Variants in MUSK observed in about 807,000 individuals in gnomAD.
MUSK encodes muscle associated receptor tyrosine kinase.
Under a neutral mutation model 88.7 loss-of-function variants are expected in MUSK, and 55 were observed. That is an observed-to-expected ratio of 0.62 (90% CI 0.50 to 0.78). The LOEUF (loss-of-function observed/expected upper bound fraction) is 0.78, where lower values mean the gene tolerates loss of function less well. MUSK is among the 30% of genes least tolerant of loss of function. The pLI, the probability that MUSK is intolerant of heterozygous loss-of-function variation, is 0.00. For missense variants in MUSK, 1,015 were observed against 1,074.3 expected (o/e 0.94, Z 0.77); for synonymous variants, 387 against 391.9 (o/e 0.99, Z 0.15).
At chr9:110,766,918 T>G (rs1377663991) in intron 8 of MUSK, among the ~76,000 whole-genome samples, 2 of 152,224 alleles carry the variant, frequency 1.3e-5, no homozygotes, top group Non-Finnish European at 2.9e-5. Context: ...TATGAGTTGT[T>G]ATAATTCCCA....
At chr9:110,769,603 A>G (rs1362158168) in intron 9 of MUSK, among the ~76,000 whole-genome samples, 2 of 152,282 alleles carry the variant, frequency 1.3e-5, no homozygotes, top group African/African-American at 4.8e-5. Flanking sequence ...TGTCTCTGTT[A>G]ATTATCACTT....
intron 11 of MUSK, among the ~76,000 whole-genome samples, chr9:110,781,528 A>G (rs546382830): frequency 1.6e-3 from 237 of 152,232 alleles, no homozygotes; most frequent in Non-Finnish European, 2.2e-3. Flanking sequence ...CACCCGCCTT[A>G]GCCTCCCAAA....
intron 5 of MUSK, among the ~76,000 whole-genome samples, chr9:110,718,129 A>G (rs2076767853): frequency 6.6e-6 from 1 of 152,082 alleles, no homozygotes; most frequent in Non-Finnish European, 1.5e-5. Flanking sequence ...GTATAAATTG[A>G]TGCTGGCCAG....
chr9:110,714,381 T>C (rs1392922690), intron 5 of MUSK, among the ~76,000 whole-genome samples: 1 of 152,178 alleles, frequency 6.6e-6, no homozygotes, highest in East Asian at 1.9e-4. Flanking sequence ...ACCCAAGCCA[T>C]GGGAGGGAAT....
chr9:110,803,003 AG>A lies in MUSK; in HGVS notation c.*2018del, dbSNP rs1269835762. Among the ~76,000 whole-genome samples the A allele has an allele frequency of 6.6e-6, 1 of 152,236 alleles. No individual in the cohort carries two copies. Among genetic ancestry groups the A allele is most frequent in the East Asian group, 1.9e-4 (1 of 5,198 alleles). On this transcript the variant is annotated 3_prime_UTR_variant, in exon 15 of 15. Coordinates refer to ENST00000374448, the MANE Select transcript of MUSK (RefSeq NM_005592.4). ...TGCCAACAAAGCAGAAAAGTTGGAGAGGGCCACCAGCAAGTCTAGAACTTGA... is the reference window on the plus strand; with the variant it reads ...TGCCAACAAAGCAGAAAAGTTGGAGAGGCCACCAGCAAGTCTAGAACTTGA...
chr9:110,706,985 C>G (rs1329864727), intron 5 of MUSK, among the ~76,000 whole-genome samples: 1 of 151,578 alleles, frequency 6.6e-6, no homozygotes, highest in African/African-American at 2.4e-5. Context: ...GCCTGGGCAA[C>G]AGATTGAGAC....
At chr9:110,755,953 C>CGT (rs1479320910) in intron 7 of MUSK, among the ~76,000 whole-genome samples, 13 of 70,682 alleles carry the variant, frequency 1.8e-4, no homozygotes, top group Non-Finnish European at 3.0e-4. Context: ...TATATATACA[C>CGT]ATATATATAT....
rs184860965 is a variant in MUSK at position 110,671,740 on chromosome 9, T to C, written c.79+2757T>C. 2.1e-3 allele frequency among the ~76,000 whole-genome samples: 322 copies of C among 152,328 alleles called. 5 individuals are homozygous for C. Among genetic ancestry groups the C allele is most frequent in the African/African-American group, 7.2e-3 (298 of 41,576 alleles). ...AAGTAGCCAATGTTCCACTGGATAA[T>C]TGGCTTAACTACATACATCAATAAC... is the stretch of plus-strand genomic sequence containing the variant. On this transcript the variant is annotated intron_variant, in intron 1 of 14. Transcript: ENST00000374448.
intron 9 of MUSK, among the ~76,000 whole-genome samples, chr9:110,774,788 A>C (rs1023600315): frequency 6.6e-6 from 1 of 152,034 alleles, no homozygotes. Flanking sequence ...ATGCATACTC[A>C]ATTAGCACAT....
intron 5 of MUSK, among the ~76,000 whole-genome samples, chr9:110,733,471 T>C (rs2076989373): frequency 6.6e-6 from 1 of 152,118 alleles, no homozygotes; most frequent in South Asian, 2.1e-4. Flanking sequence ...TAAAATTTCT[T>C]CCTACATCAA....
chr9:110,798,315 C>G (rs2078042103), intron 14 of MUSK, among the ~76,000 whole-genome samples: 1 of 152,066 alleles, frequency 6.6e-6, no homozygotes, highest in Non-Finnish European at 1.5e-5. Flanking sequence ...AAAATTGTTT[C>G]CCTTTTATTG....
intron 13 of MUSK, among the ~76,000 whole-genome samples, chr9:110,786,530 T>C (rs187804739): frequency 6.6e-6 from 1 of 152,222 alleles, no homozygotes; most frequent in East Asian, 1.9e-4. Context: ...AAATTAGTAA[T>C]ATAGTTCAAT....
At chr9:110,669,206 A>T (rs996275515) in intron 1 of MUSK, among the ~76,000 whole-genome samples, 2 of 152,218 alleles carry the variant, frequency 1.3e-5, no homozygotes, top group African/African-American at 2.4e-5. Context: ...AGGCTTAGCC[A>T]CATAGTGCAT....
chr9:110,787,752 A>C lies in MUSK; in HGVS notation c.1841A>C (p.Glu614Ala), dbSNP rs754559098. ...GTGGCAGTAAAGATGCTCAAAGAAG[A>C]AGCCTCGGCAGATATGCAAGCGGAC... is the stretch of plus-strand genomic sequence containing the variant. ...TMVAVKMLKE[E>A]ASADMQADFQ... The change falls in exon 14 of 15, where the codon GAA (glutamate) becomes GCA (alanine). Residue 614 changes from glutamate to alanine, a missense_variant. Coordinates refer to ENST00000374448, the MANE Select transcript of MUSK (RefSeq NM_005592.4). The C allele has an allele frequency of 8.7e-6, 14 of 1,613,944 alleles. No homozygotes were observed. In the South Asian group the frequency reaches 8.8e-5, roughly 10 times the overall value.
At chr9:110,716,096 C>T (rs1364405790) in intron 5 of MUSK, among the ~76,000 whole-genome samples, 1 of 149,610 alleles carries the variant, frequency 6.7e-6, no homozygotes, top group Admixed American at 6.6e-5. Context: ...TGTAACAAAC[C>T]TGCACATCCT....
At position 110,687,096 on chromosome 9, in the gene MUSK, A is replaced by AT. The variant is rs751667058; in HGVS notation, c.207-14dup. The AT allele has an allele frequency of 2.9e-5, 47 of 1,603,320 alleles. No individual in the cohort carries two copies. The East Asian group carries it at 3.6e-4, about 12-fold the overall frequency. ...ATCACAGAGGAAGCACTAATCTGTC[A>AT]TTTTTTTCTGTGACCTGCAGACTCT... On this transcript the variant is annotated intron_variant, in intron 2 of 14. Coordinates refer to ENST00000374448, the MANE Select transcript of MUSK (RefSeq NM_005592.4).
intron 6 of MUSK, among the ~76,000 whole-genome samples, chr9:110,740,647 G>C (rs940696689): frequency 6.6e-6 from 1 of 152,136 alleles, no homozygotes. Context: ...CTAGGGCTTG[G>C]CATACTGTAG....
At chr9:110,721,027 C>A (rs2076804162) in intron 5 of MUSK, among the ~76,000 whole-genome samples, 2 of 152,006 alleles carry the variant, frequency 1.3e-5, no homozygotes, top group Admixed American at 1.3e-4. Context: ...AAGCATTTGA[C>A]AAAATTAAGC....
chr9:110,692,532 T>C (rs1389140634), intron 3 of MUSK, among the ~76,000 whole-genome samples: 1 of 151,966 alleles, frequency 6.6e-6, no homozygotes, highest in Non-Finnish European at 1.5e-5. Flanking sequence ...TTTTCTCTAT[T>C]TTTTTTCTTT....
Sources: allele counts gnomAD v4.1 joint callset (sites outside exome capture counted in the v4.1 genomes callset), GRCh38; gene constraint gnomAD v4.1.1; transcripts MANE v1.5; gene names NCBI Gene and HGNC (gene_info 2026-07-23, HGNC 2026-07-21).